The following IPO11 variants were observed in gnomAD, a reference collection of about 807,000 sequenced individuals.
IPO11 encodes importin 11.
Under a neutral mutation model 143.2 loss-of-function variants are expected in IPO11, and 66 were observed. The ratio of observed to expected loss-of-function variants is 0.46; its 90% CI spans 0.38 to 0.57. The LOEUF is 0.57. Ranked by LOEUF, IPO11 falls within the 20% of genes least tolerant of loss-of-function variation. IPO11 has a pLI of 0.00. For synonymous variants in IPO11, 385 were observed against 377.8 expected (o/e 1.02, Z -0.22); for missense variants, 1,026 against 1,141.0 (o/e 0.90, Z 1.45).
intron 15 of IPO11, among the ~76,000 whole-genome samples, chr5:62,491,949 CT>C: frequency 6.6e-6 from 1 of 152,146 alleles, no homozygotes; most frequent in African/African-American, 2.4e-5. Flanking sequence ...GATTTTGTTT[CT>C]TTTCTCTTAT....
chr5:62,495,381 G>A (rs1331968062), intron 16 of IPO11, among the ~76,000 whole-genome samples: 1 of 152,172 alleles, frequency 6.6e-6, no homozygotes, highest in East Asian at 1.9e-4. Context: ...CTGTCAAAGA[G>A]AAGATATTAA....
Position 62,458,007 on chromosome 5 carries a change from C to T in IPO11, c.516+6074C>T, listed in dbSNP as rs373474879. Among the ~76,000 whole-genome samples the T allele has an allele frequency of 1.1e-4, 17 of 151,814 alleles. No homozygotes were observed. In the East Asian group the frequency reaches 2.3e-3, roughly 21 times the overall value. ...ACTAAAAATACAAAAATTAGCTGGG[C>T]GTGGTGGTGGGCGCCTGTAGTCCCA... On this transcript the variant is annotated intron_variant, in intron 5 of 29. Coordinates refer to ENST00000325324, the MANE Select transcript of IPO11 (RefSeq NM_016338.5).
At chr5:62,607,419 T>G (rs1348960506) in intron 29 of IPO11, among the ~76,000 whole-genome samples, 1 of 151,974 alleles carries the variant, frequency 6.6e-6, no homozygotes, top group African/African-American at 2.4e-5. Flanking sequence ...TGAGAACCAG[T>G]AGATTGATTC....
chr5:62,576,312 G>T (rs1744312144), intron 27 of IPO11: 1 of 152,544 alleles, frequency 6.6e-6, no homozygotes, highest in Non-Finnish European at 1.5e-5. Context: ...GGCCTCGACA[G>T]GCTTCATGAT....
chr5:62,568,140 A>G (rs1184304774), intron 27 of IPO11, among the ~76,000 whole-genome samples: 3 of 149,828 alleles, frequency 2.0e-5, no homozygotes, highest in Non-Finnish European at 4.4e-5. Context: ...TAATTTTTGT[A>G]TTTTTTGTAG....
intron 1 of IPO11, among the ~76,000 whole-genome samples, chr5:62,429,428 T>C (rs903263522): frequency 3.9e-5 from 6 of 152,138 alleles, no homozygotes; most frequent in African/African-American, 1.4e-4. Flanking sequence ...AATTTAATTT[T>C]CGTTTTTGAG....
chr5:62,453,351 T>C (rs756223668), intron 5 of IPO11, among the ~76,000 whole-genome samples: 5 of 150,996 alleles, frequency 3.3e-5, no homozygotes, highest in Non-Finnish European at 7.3e-5. Context: ...TTAGAGATGC[T>C]TCATTCTTAA....
At chr5:62,472,491 TAAC>T (rs1745806928) in intron 7 of IPO11, among the ~76,000 whole-genome samples, 2 of 152,028 alleles carry the variant, frequency 1.3e-5, no homozygotes, top group East Asian at 1.9e-4. Flanking sequence ...GATAAAATGT[TAAC>T]AAATTAAAGA....
rs1232829175 is a variant in IPO11, at chr5:62,437,373, T to C, written c.94T>C (p.Leu32=). The change falls in exon 2 of 30, where the codon TTG becomes CTG. Residue 32 remains leucine, a synonymous_variant. Coordinates refer to ENST00000325324, the MANE Select transcript of IPO11 (RefSeq NM_016338.5). ...TAVLKPAEEQ[L]KQWETQPGFY... ...TGTGTTAAAACCAGCTGAGGAGCAG[T>C]TGAAGCAGTGGGAGACACAGCCAGG... The C allele has an allele frequency of 1.9e-6, 3 of 1,613,028 alleles. No homozygotes were observed. Among genetic ancestry groups the C allele is most frequent in the Non-Finnish European group, 2.5e-6 (3 of 1,179,388 alleles).
rs1023687028 is a variant in IPO11, at chr5:62,580,808, G to A, written c.2583-10769G>A. The A allele has an allele frequency of 5.2e-6, 8 of 1,551,234 alleles. No homozygotes were observed. In the African/African-American group the frequency reaches 8.2e-5, roughly 16 times the overall value. On this transcript the variant is annotated intron_variant, in intron 27 of 29. Coordinates refer to ENST00000325324, the MANE Select transcript of IPO11 (RefSeq NM_016338.5). ...ACTGAGAACATTACTTTCTGGGAAC[G>A]AATTCCTACTTCACCTGCTGGTAGA...
chr5:62,455,122 G>T (rs1308985162), intron 5 of IPO11, among the ~76,000 whole-genome samples: 1 of 152,162 alleles, frequency 6.6e-6, no homozygotes, highest in Non-Finnish European at 1.5e-5. Context: ...CAATTTTGCT[G>T]GTTAATACAG....
At position 62,590,272 on chromosome 5, in the gene IPO11, T is replaced by C. The variant is rs143042608; in HGVS notation, c.2583-1305T>C. Among the ~76,000 whole-genome samples the C allele has an allele frequency of 6.0e-3, 918 of 152,336 alleles. 14 individuals are homozygous for C. The highest frequency in any genetic ancestry group is 0.021 in the African/African-American group (874 of 41,578). ...TCTCTACTGTTGTAGAAATTCTGGA[T>C]TAAAACTAATAAATCAGGGCTTGTT... On this transcript the variant is annotated intron_variant, in intron 27 of 29. Coordinates refer to ENST00000325324, the MANE Select transcript of IPO11 (RefSeq NM_016338.5).
At chr5:62,460,021 T>A (rs182024549) in intron 5 of IPO11, among the ~76,000 whole-genome samples, 1 of 152,364 alleles carries the variant, frequency 6.6e-6, no homozygotes, top group Non-Finnish European at 1.5e-5. Context: ...AACATTTTGC[T>A]GTTTTTGCTT....
At chr5:62,581,543 A>T (rs186389194) in intron 27 of IPO11, 1 of 384,520 alleles carries the variant, frequency 2.6e-6, no homozygotes, top group Non-Finnish European at 4.7e-6. Flanking sequence ...CACTGTGCCA[A>T]ATATTTCACA....
At chr5:62,586,767 AAATATATATATATAT>A (rs1271635947) in intron 27 of IPO11, among the ~76,000 whole-genome samples, 1 of 55,994 alleles carries the variant, frequency 1.8e-5, no homozygotes, top group Non-Finnish European at 3.4e-5. Flanking sequence ...AAAAAAAAAA[AAATATATATATATAT>A]ATATATATAT....
At chr5:62,545,959 A>T (rs905056609) in intron 24 of IPO11, among the ~76,000 whole-genome samples, 2 of 152,204 alleles carry the variant, frequency 1.3e-5, no homozygotes, top group African/African-American at 4.8e-5. Flanking sequence ...CAGGTGCTGG[A>T]GAGGATGTGG....
At chr5:62,606,982 T>C (rs1745742925) in intron 29 of IPO11, among the ~76,000 whole-genome samples, 1 of 152,232 alleles carries the variant, frequency 6.6e-6, no homozygotes, top group African/African-American at 2.4e-5. Context: ...ATGGCTTTTG[T>C]ACTGTCTTAG....
At chr5:62,618,338 AT>A (rs1486437260) in intron 29 of IPO11, among the ~76,000 whole-genome samples, 2 of 152,190 alleles carry the variant, frequency 1.3e-5, no homozygotes, top group Non-Finnish European at 2.9e-5. Flanking sequence ...ACCTTAAGTA[AT>A]TTTATTATAC....
At chr5:62,617,559 T>C (rs1308274865) in intron 29 of IPO11, among the ~76,000 whole-genome samples, 1 of 152,206 alleles carries the variant, frequency 6.6e-6, no homozygotes, top group African/African-American at 2.4e-5. Flanking sequence ...TATTACACTT[T>C]GTTATGTAGC....
Sources: gnomAD v4.1 joint callset for allele counts (sites outside exome capture counted in the v4.1 genomes callset) on GRCh38, gnomAD v4.1.1 for gene constraint, MANE v1.5 for transcripts, NCBI Gene and HGNC (gene_info 2026-07-23, HGNC 2026-07-21) for gene names.